BTBD9: variants seen among roughly 807,000 people sequenced by gnomAD.
The protein encoded by BTBD9 is BTB domain containing 9.
In BTBD9, 49 loss-of-function variants were observed where a neutral mutation model predicts 64.3. That is an observed-to-expected ratio of 0.76 (90% confidence interval 0.61 to 0.97). BTBD9 has a LOEUF of 0.97. Ranked by LOEUF, BTBD9 falls within the 50% of genes least tolerant of loss-of-function variation. The pLI, the probability that BTBD9 is intolerant of heterozygous loss-of-function variation, is 0.00. For synonymous variants in BTBD9, 260 were observed against 274.7 expected, an observed-to-expected ratio of 0.95 and a Z score of 0.53; for missense variants, 598 against 762.1, an observed-to-expected ratio of 0.78 and a Z score of 2.53.
At chr6:38,544,710 T>C (rs1374900623) in intron 6 of BTBD9, among the ~76,000 whole-genome samples, 1 of 151,922 alleles carries the variant, frequency 6.6e-6, no homozygotes, top group Admixed American at 6.6e-5. Context: ...GCAGATCACC[T>C]GAGGTCAGGA....
At chr6:38,339,483 GAAAAT>G (rs1417041743) in intron 7 of BTBD9, among the ~76,000 whole-genome samples, 1 of 151,640 alleles carries the variant, frequency 6.6e-6, no homozygotes, top group Non-Finnish European at 1.5e-5. Flanking sequence ...AAAAGAAAAA[GAAAAT>G]AAAAGAAAAA....
intron 6 of BTBD9, among the ~76,000 whole-genome samples, chr6:38,413,653 T>TCATGTACCA (rs139223527): frequency 0.013 from 2,044 of 152,328 alleles, 50 homozygotes; most frequent in African/African-American, 0.047. Context: ...GGTACATCTC[T>TCATGTACCA]GTTTTACATG....
chr6:38,372,424 A>T (rs1320206268), intron 6 of BTBD9, among the ~76,000 whole-genome samples: 2 of 152,144 alleles, frequency 1.3e-5, no homozygotes, highest in East Asian at 3.8e-4. Context: ...GTATGGACTG[A>T]CATAACACAT....
chr6:38,574,654 T>C (rs1475837696), intron 6 of BTBD9, among the ~76,000 whole-genome samples: 1 of 152,224 alleles, frequency 6.6e-6, no homozygotes, highest in African/African-American at 2.4e-5. Context: ...ATGTGCTGTA[T>C]CATCTAACTC....
intron 6 of BTBD9, among the ~76,000 whole-genome samples, chr6:38,394,225 T>C (rs974623338): frequency 2.0e-5 from 3 of 152,090 alleles, no homozygotes; most frequent in Admixed American, 2.0e-4. Context: ...TATAATAAAA[T>C]GTAGTAAGTA....
chr6:38,514,673 C>A (rs1202003071), intron 6 of BTBD9, among the ~76,000 whole-genome samples: 2 of 152,116 alleles, frequency 1.3e-5, no homozygotes, highest in Non-Finnish European at 2.9e-5. Context: ...TAAATAGCTG[C>A]CCTTTCCTGA....
chr6:38,450,888 A>C (rs1769508926), intron 6 of BTBD9, among the ~76,000 whole-genome samples: 1 of 152,158 alleles, frequency 6.6e-6, no homozygotes, highest in Admixed American at 6.5e-5. Context: ...AGACTAGTTG[A>C]CCTTTGAAGC....
chr6:38,185,405 T>C (rs565625982), intron 10 of BTBD9, among the ~76,000 whole-genome samples: 9 of 152,306 alleles, frequency 5.9e-5, no homozygotes, highest in African/African-American at 1.9e-4. Context: ...GCCTGACTCA[T>C]AGAGTTCTGG....
intron 9 of BTBD9, among the ~76,000 whole-genome samples, chr6:38,193,063 A>AT (rs1019473686): frequency 7.3e-5 from 11 of 150,832 alleles, no homozygotes; most frequent in East Asian, 1.9e-4. Flanking sequence ...AATAATAATA[A>AT]AAAAAAAAGT....
intron 8 of BTBD9, among the ~76,000 whole-genome samples, chr6:38,285,007 G>A (rs9380728): frequency 0.062 from 9,383 of 151,970 alleles, 815 homozygotes; most frequent in East Asian, 0.4. Flanking sequence ...AGGGTGGGGA[G>A]GGGTGCACAC....
intron 6 of BTBD9, among the ~76,000 whole-genome samples, chr6:38,551,008 T>C (rs1047169266): frequency 6.6e-6 from 1 of 152,228 alleles, no homozygotes; most frequent in African/African-American, 2.4e-5. Context: ...CCTGGAACAC[T>C]CTTTGCCCAC....
chr6:38,404,747 T>C (rs564829256), intron 6 of BTBD9, among the ~76,000 whole-genome samples: 1 of 152,336 alleles, frequency 6.6e-6, no homozygotes, highest in African/African-American at 2.4e-5. Flanking sequence ...CTGGGCTTGT[T>C]ATTATCAAAT....
intron 7 of BTBD9, among the ~76,000 whole-genome samples, chr6:38,307,931 C>T (rs1187502008): frequency 1.3e-5 from 2 of 152,176 alleles, no homozygotes; most frequent in African/African-American, 4.8e-5. Context: ...TGGTTATCCC[C>T]AGGGACAGAA....
intron 1 of BTBD9, among the ~76,000 whole-genome samples, chr6:38,632,519 G>A (rs1354411258): frequency 6.6e-6 from 1 of 152,214 alleles, no homozygotes; most frequent in Non-Finnish European, 1.5e-5. Flanking sequence ...TGTTTGGGGT[G>A]AAGTTTTAAG....
At chr6:38,465,290 C>T (rs542750018) in intron 6 of BTBD9, among the ~76,000 whole-genome samples, 16 of 150,530 alleles carry the variant, frequency 1.1e-4, no homozygotes, top group East Asian at 2.0e-4. Context: ...TAGAGACTGT[C>T]GCAAAAAAAC....
At position 38,561,190 on chromosome 6, in the gene BTBD9, A is replaced by G. The variant is rs1028179738; in HGVS notation, c.1154+16410T>C. 2.2e-4 allele frequency among the ~76,000 whole-genome samples: 33 copies of G among 152,182 alleles called. 1 individual carries two copies. Among genetic ancestry groups the G allele is most frequent in the Admixed American group, 1.4e-3 (21 of 15,266 alleles). On this transcript the variant is annotated intron_variant, in intron 6 of 10. Transcript: ENST00000481247. ...TTCCACAGTGGTTGAACTAATTTAC[A>G]CTCCCACTAGCAGTGTATAAGTGTT...
At chr6:38,556,766 C>CA (rs1011987983) in intron 6 of BTBD9, among the ~76,000 whole-genome samples, 4 of 151,426 alleles carry the variant, frequency 2.6e-5, no homozygotes, top group African/African-American at 9.7e-5. Context: ...CCTGTAATCC[C>CA]AGCACTTTAG....
At chr6:38,497,727 C>T (rs2127397232) in intron 6 of BTBD9, among the ~76,000 whole-genome samples, 1 of 152,194 alleles carries the variant, frequency 6.6e-6, no homozygotes, top group African/African-American at 2.4e-5. Context: ...CAATAAAAAC[C>T]ATTGTATGGT....
intron 6 of BTBD9, among the ~76,000 whole-genome samples, chr6:38,548,675 G>A (rs1027028682): frequency 6.6e-6 from 1 of 152,108 alleles, no homozygotes; most frequent in African/African-American, 2.4e-5. Flanking sequence ...TACATAAAAA[G>A]AAACAGTGTA....
Sources: gnomAD v4.1 joint callset for allele counts (sites outside exome capture counted in the v4.1 genomes callset) on GRCh38, gnomAD v4.1.1 for gene constraint, MANE v1.5 for transcripts, NCBI Gene and HGNC (gene_info 2026-07-23, HGNC 2026-07-21) for gene names.